JAG1: variants seen among roughly 807,000 people sequenced by gnomAD.
JAG1 encodes the protein jagged canonical Notch ligand 1.
Under a neutral mutation model 148.7 loss-of-function variants are expected in JAG1, and 23 were observed. That is an observed-to-expected ratio of 0.15 (90% CI 0.11 to 0.22). JAG1 has a LOEUF of 0.22. JAG1 is among the 10% of genes least tolerant of loss of function. JAG1 has a pLI of 1.00. For missense variants in JAG1, 1,054 were observed against 1,611.2 expected, an observed-to-expected ratio of 0.65 and a Z score of 5.92; for synonymous variants, 572 against 598.3, an observed-to-expected ratio of 0.96 and a Z score of 0.64.
rs138189639 is a variant in JAG1 at position 10,641,861 on chromosome 20, A to G, written c.2604T>C (p.Ser868=). The change falls in exon 22 of 26, where the codon AGT becomes AGC. Residue 868 remains serine (S), a synonymous_variant. Coordinates refer to ENST00000254958, the MANE Select transcript of JAG1 (RefSeq NM_000214.3). ...VSGRPCITMG[S]VIPDGAKWDD... is the part of the protein sequence containing the mutation. ...CCCATTTGGCCCCATCTGGTATCAC[A>G]CTCCCCATGGTGATGCAAGGTCTCC... is the stretch of plus-strand genomic sequence containing the variant. 53 of 1,613,076 alleles carry G rather than the reference A, an allele frequency of 3.3e-5. No individual in the cohort carries two copies. The African/African-American group carries it at 5.6e-4, about 17-fold the overall frequency.
chr20:10,649,534 T>C lies in JAG1; in HGVS notation c.1336A>G (p.Asn446Asp). The C allele has an allele frequency of 6.2e-7, 1 of 1,606,514 alleles. No homozygotes were observed. Among genetic ancestry groups the C allele is most frequent in the Non-Finnish European group, 8.5e-7 (1 of 1,173,078 alleles). Residue 446 changes from asparagine to aspartate, a missense_variant, in exon 10 of 26, where the codon AAT becomes GAT. Asn to Asp is a conservative substitution (Grantham distance 23). This residue lies in a region of JAG1 where 245 missense variants were observed against 373.1 expected (regional missense o/e 0.66). Transcript: ENST00000254958. The part of the protein sequence containing the change: ...CDCLPGWMGQ[N>D]CDININDCLG... ...CAAAGTCACTCACTTATGTCACAAT[T>C]CTGACCCATCCAGCCGGGAAGACAG...
intron 2 of JAG1, among the ~76,000 whole-genome samples, chr20:10,665,124 C>T (rs779838300): frequency 2.6e-5 from 4 of 152,088 alleles, no homozygotes; most frequent in Non-Finnish European, 4.4e-5. Context: ...TAAATAATAC[C>T]GTGCTGTGCC....
chr20:10,672,061 G>C (rs6077870), intron 2 of JAG1, among the ~76,000 whole-genome samples: 2 of 152,042 alleles, frequency 1.3e-5, no homozygotes, highest in Non-Finnish European at 2.9e-5. Context: ...GGCAGGAAGG[G>C]GCCAGCAGCG....
rs574117116 is a variant in JAG1 at position 10,652,174 on chromosome 20, C to T, written c.963G>A (p.Gln321=). 1 of 1,614,112 alleles carries T rather than the reference C, an allele frequency of 6.2e-7. No individual in the cohort carries two copies. The highest frequency in any genetic ancestry group is 1.3e-5 in the African/African-American group (1 of 75,034). ...TCSNTGPDKY[Q]CSCPEGYSGP... Reference sequence around the variant, plus strand: ...CTGAATACCCCTCAGGGCAGGAACACTGATATTTGTCAGGGCCTGTGTTGC... The same window carrying T: ...CTGAATACCCCTCAGGGCAGGAACATTGATATTTGTCAGGGCCTGTGTTGC... The change falls in exon 7 of 26, where the codon CAG becomes CAA. Residue 321 remains glutamine (Q), a synonymous_variant. Coordinates refer to ENST00000254958, the MANE Select transcript of JAG1 (RefSeq NM_000214.3).
intron 2 of JAG1, among the ~76,000 whole-genome samples, chr20:10,668,584 T>C (rs2067473093): frequency 6.6e-6 from 1 of 152,096 alleles, no homozygotes; most frequent in South Asian, 2.1e-4. Flanking sequence ...ATGGGGCCAG[T>C]GGGTGATATG....
intron 3 of JAG1, among the ~76,000 whole-genome samples, chr20:10,660,639 A>T (rs2067410302): frequency 6.6e-6 from 1 of 152,190 alleles, no homozygotes; most frequent in African/African-American, 2.4e-5. Flanking sequence ...CGTGCAGAGG[A>T]TCACTTCAGA....
chr20:10,670,078 T>C (rs762606532), intron 2 of JAG1, among the ~76,000 whole-genome samples: 1 of 152,160 alleles, frequency 6.6e-6, no homozygotes, highest in Non-Finnish European at 1.5e-5. Flanking sequence ...CATACTCAGA[T>C]ATGATATATG....
Position 10,672,929 on chromosome 20 carries a change from G to T in JAG1, c.159C>A (p.Asn53Lys), listed in dbSNP as rs1250757427. 3.7e-6 allele frequency: 6 copies of T among 1,613,210 alleles called. No homozygotes were observed. In the East Asian group the frequency reaches 8.9e-5, roughly 24 times the overall value. Residue 53 changes from asparagine (N) to lysine (K), a missense_variant, in exon 2 of 26, where the codon AAC becomes AAA. Around this residue, in one of 6 missense-constraint regions of JAG1, gnomAD observed 151 missense variants for 211.1 expected, o/e 0.72. Transcript: ENST00000254958. Reference protein sequence around the residue: ...QNVNGELQNGNCCGGARNPGD... With the variant: ...QNVNGELQNGKCCGGARNPGD... Reference sequence around the variant, plus strand: ...CCGGGTTCCGGGCGCCGCCGCAGCAGTTCCCGTTCTGCAGCTCCCCGTTCA... The same window carrying T: ...CCGGGTTCCGGGCGCCGCCGCAGCATTTCCCGTTCTGCAGCTCCCCGTTCA...
intron 2 of JAG1, among the ~76,000 whole-genome samples, chr20:10,671,193 C>T (rs986925645): frequency 6.6e-6 from 1 of 152,232 alleles, no homozygotes; most frequent in East Asian, 1.9e-4. Flanking sequence ...TGAGTATTCA[C>T]AGTCAGCTTG....
chr20:10,640,005 A>C (rs1291136316), intron 25 of JAG1, 50 bp from the exon 26 acceptor site: 1 of 1,436,378 alleles, frequency 7.0e-7, no homozygotes, highest in Non-Finnish European at 9.7e-7. Context: ...GAAAGAAAAA[A>C]GCATCATCGC....
In JAG1 at chr20:10,673,070, G is replaced by A; in HGVS notation, c.82-64C>T. 1 of 1,494,534 alleles carries A rather than the reference G, an allele frequency of 6.7e-7. No homozygotes were observed. The highest frequency in any genetic ancestry group is 9.2e-7 in the Non-Finnish European group (1 of 1,088,962). 92.6% of individuals were successfully genotyped at this position (1,494,534 alleles called of 1,614,324 possible). Reference sequence around the variant, plus strand: ...AGCTGTTTTCTTCGAGTATAGAGGTGGCGACTCCCTCCCACTCCCCGCCCC... The same window carrying A: ...AGCTGTTTTCTTCGAGTATAGAGGTAGCGACTCCCTCCCACTCCCCGCCCC... On this transcript the variant is annotated intron_variant, in intron 1 of 25. Coordinates refer to ENST00000254958, the MANE Select transcript of JAG1 (RefSeq NM_000214.3). The surrounding 1 kb of genome is among the most constrained non-coding windows in gnomAD (Gnocchi z 4.7).
rs186663061 is a variant in JAG1 at position 10,658,783 on chromosome 20, T to G, written c.440-61A>C. 375 of 1,599,238 alleles carry G rather than the reference T, an allele frequency of 2.3e-4. No homozygotes were observed. The East Asian group carries it at 7.2e-3, about 31-fold the overall frequency. Reference sequence around the variant, plus strand: ...ATTGCAGCCTTCTTCCCTGACCATTTTGGCTTTTTAAAATAAAAACATATG... The same window carrying G: ...ATTGCAGCCTTCTTCCCTGACCATTGTGGCTTTTTAAAATAAAAACATATG... On this transcript the variant is annotated intron_variant, in intron 3 of 25. Transcript: ENST00000254958.
At chr20:10,640,096 A>C in intron 25 of JAG1, 141 bp from the exon 26 acceptor site, 1 of 724,154 alleles carries the variant, frequency 1.4e-6, no homozygotes, top group Non-Finnish European at 2.5e-6. Context: ...CCTTTTCATC[A>C]TTGCATATGG....
At chr20:10,651,969 G>A (rs566576774) in intron 7 of JAG1, among the ~76,000 whole-genome samples, 162 bp downstream of exon 7, 1 of 152,298 alleles carries the variant, frequency 6.6e-6, no homozygotes, top group South Asian at 2.1e-4. Flanking sequence ...AAAAACTTTA[G>A]AGACTTGAAA....
rs1568796207 is a variant in JAG1, at chr20:10,648,640, C to T, written c.1478G>A (p.Ser493Asn). 1.9e-6 allele frequency: 3 copies of T among 1,614,080 alleles called. No individual in the cohort carries two copies. In the African/African-American group the frequency reaches 4.0e-5, roughly 22 times the overall value. Reference sequence around the variant, plus strand: ...GTGACCCCCATTCAAACAGGGGTTGCTGGCACATTCATCGATGTCTCTCTC... The same window carrying T: ...GTGACCCCCATTCAAACAGGGGTTGTTGGCACATTCATCGATGTCTCTCTC... The part of the protein sequence containing the change: ...HCERDIDECA[S>N]NPCLNGGHCQ... The change falls in exon 12 of 26, where the codon AGC becomes AAC. Residue 493 changes from serine (S) to asparagine (N), a missense_variant. Around this residue, in one of 6 missense-constraint regions of JAG1, gnomAD observed 245 missense variants for 373.1 expected, o/e 0.66. Transcript: ENST00000254958.
intron 2 of JAG1, among the ~76,000 whole-genome samples, chr20:10,666,696 C>T (rs953281303): frequency 6.6e-6 from 1 of 152,182 alleles, no homozygotes; most frequent in Admixed American, 6.5e-5. Context: ...TCTGGATTTG[C>T]AAAGTGAGTC....
rs557708798 is a variant in JAG1, at chr20:10,666,239, T to C, written c.388-2225A>G. On this transcript the variant is annotated intron_variant, in intron 2 of 25. Coordinates refer to ENST00000254958, the MANE Select transcript of JAG1 (RefSeq NM_000214.3). ...AACCTCCCACTCCATCCCCACACTA[T>C]AGATCAGCAATCAAGATAATTTAAC... 1.7e-3 allele frequency among the ~76,000 whole-genome samples: 253 copies of C among 152,292 alleles called. 1 individual carries two copies. Among genetic ancestry groups the C allele is most frequent in the African/African-American group, 5.9e-3 (245 of 41,564 alleles).
In JAG1 at chr20:10,645,951, C is replaced by T. The variant is rs1293948845; in HGVS notation, c.1999+20G>A. On this transcript the variant is annotated intron_variant, in intron 15 of 25. Coordinates refer to ENST00000254958, the MANE Select transcript of JAG1 (RefSeq NM_000214.3). The surrounding 1 kb of genome is among the most constrained non-coding windows in gnomAD (Gnocchi z 6.1). Reference sequence around the variant, plus strand: ...CATGACCCATACATCCCAGAGCTCCCCAAAGAGTGGCAGACTCACTGGTTT... The same window carrying T: ...CATGACCCATACATCCCAGAGCTCCTCAAAGAGTGGCAGACTCACTGGTTT... 1.3e-6 allele frequency: 2 copies of T among 1,529,506 alleles called. No homozygotes were observed. Among genetic ancestry groups the T allele is most frequent in the Admixed American group, 1.7e-5 (1 of 59,908 alleles). 94.7% of individuals were successfully genotyped at this position (1,529,506 alleles called of 1,614,324 possible).
intron 2 of JAG1, among the ~76,000 whole-genome samples, chr20:10,668,108 A>C (rs976101535): frequency 6.6e-6 from 1 of 151,434 alleles, no homozygotes; most frequent in East Asian, 1.9e-4. Flanking sequence ...AAAAAAAAAA[A>C]AAAAAAAACA....
Sources: gnomAD v4.1 joint callset for allele counts (sites outside exome capture counted in the v4.1 genomes callset) on GRCh38, gnomAD v4.1.1 for gene constraint, gnomAD v4.1.1 regional missense constraint, Gnocchi (gnomAD v3.1) non-coding constraint, MANE v1.5 for transcripts, NCBI Gene and HGNC (gene_info 2026-07-23, HGNC 2026-07-21) for gene names.